The following SLC44A3 variants were observed in gnomAD, a reference collection of about 807,000 sequenced individuals.
SLC44A3 encodes choline transporter-like protein 3.
A neutral mutation model predicts 75.4 loss-of-function variants in SLC44A3; 74 were observed. That is an observed-to-expected ratio of 0.98 (90% CI 0.81 to 1.19). The LOEUF is 1.19. Among genes scored for constraint, SLC44A3 ranks in the 50% most tolerant of loss-of-function variants. SLC44A3 has a pLI of 0.00. For missense variants in SLC44A3, 700 were observed against 778.6 expected (o/e 0.90, Z 1.20); for synonymous variants, 310 against 296.9 (o/e 1.04, Z -0.45).
intron 9 of SLC44A3, among the ~76,000 whole-genome samples, chr1:94,854,180 A>T (rs1407230172): frequency 5.3e-5 from 8 of 152,180 alleles, no homozygotes; most frequent in South Asian, 2.1e-4. Flanking sequence ...CAAGTGATGA[A>T]GCAGATTTCA....
intron 12 of SLC44A3, among the ~76,000 whole-genome samples, chr1:94,868,007 C>T (rs1667361633): frequency 6.6e-6 from 1 of 152,126 alleles, no homozygotes; most frequent in South Asian, 2.1e-4. Context: ...AAAAGAATTG[C>T]CTCCCTAATT....
intron 9 of SLC44A3, among the ~76,000 whole-genome samples, chr1:94,852,702 T>G (rs1665369661): frequency 6.6e-6 from 1 of 152,170 alleles, no homozygotes; most frequent in South Asian, 2.1e-4. Flanking sequence ...GGTCATAATG[T>G]TGGAAGTGGC....
At chr1:94,878,016 C>T (rs1233444873) in intron 12 of SLC44A3, among the ~76,000 whole-genome samples, 3 of 151,978 alleles carry the variant, frequency 2.0e-5, no homozygotes, top group Non-Finnish European at 4.4e-5. Flanking sequence ...GGGTGGATCA[C>T]GAGGTCAGGA....
intron 12 of SLC44A3, among the ~76,000 whole-genome samples, chr1:94,871,419 C>G (rs538915013): frequency 6.6e-6 from 1 of 152,182 alleles, no homozygotes; most frequent in African/African-American, 2.4e-5. Flanking sequence ...GGCAAAGGGA[C>G]CTTACAGCCT....
chr1:94,822,594 G>A (rs1218340739), intron 2 of SLC44A3, among the ~76,000 whole-genome samples: 1 of 152,186 alleles, frequency 6.6e-6, no homozygotes, highest in African/African-American at 2.4e-5. Flanking sequence ...AGGCTTGGGG[G>A]AAGGAGCTGA....
intron 10 of SLC44A3, among the ~76,000 whole-genome samples, chr1:94,864,485 T>C (rs539988447): frequency 6.6e-6 from 1 of 152,242 alleles, no homozygotes; most frequent in African/African-American, 2.4e-5. Flanking sequence ...CTCTGCATTA[T>C]GAAGAGGGAA....
intron 9 of SLC44A3, among the ~76,000 whole-genome samples, chr1:94,855,958 C>T (rs375952579): frequency 1.3e-5 from 2 of 152,166 alleles, no homozygotes; most frequent in South Asian, 2.1e-4. Context: ...AAATCATATG[C>T]AGCCACAAAG....
At chr1:94,849,614 C>T (rs1353136218) in intron 9 of SLC44A3, among the ~76,000 whole-genome samples, 1 of 152,176 alleles carries the variant, frequency 6.6e-6, no homozygotes, top group Non-Finnish European at 1.5e-5. Context: ...GATCGGGTGG[C>T]GAGCCCGCTG....
chr1:94,857,579 TTGGG>T, intron 10 of SLC44A3, 79 bp downstream of exon 10: 2 of 1,397,502 alleles, frequency 1.4e-6, no homozygotes, highest in Non-Finnish European at 1.9e-6. Flanking sequence ...CAAAAGATAT[TTGGG>T]AATGTTGACC....
intron 3 of SLC44A3, among the ~76,000 whole-genome samples, chr1:94,826,919 T>C (rs1027680653): frequency 1.3e-5 from 2 of 152,166 alleles, no homozygotes; most frequent in Non-Finnish European, 2.9e-5. Flanking sequence ...CTGTAGCTGC[T>C]AGCGCATAAC....
At chr1:94,832,981 A>T (rs3860354) in intron 5 of SLC44A3, among the ~76,000 whole-genome samples, 80,767 of 149,782 alleles carry the variant, frequency 0.54, 21,688 homozygotes, top group East Asian at 0.69. Context: ...TTTTTTTTTT[A>T]AATTAAAAAA....
At chr1:94,855,943 T>A (rs1340875718) in intron 9 of SLC44A3, among the ~76,000 whole-genome samples, 1 of 152,212 alleles carries the variant, frequency 6.6e-6, no homozygotes, top group Non-Finnish European at 1.5e-5. Flanking sequence ...TGGGAAAAGA[T>A]CTAGAAATCA....
chr1:94,854,724 C>A (rs1402786332), intron 9 of SLC44A3, among the ~76,000 whole-genome samples: 1 of 144,176 alleles, frequency 6.9e-6, no homozygotes, highest in African/African-American at 2.9e-5. Context: ...TCAAGCCCCC[C>A]GCGCCCCCCG....
chr1:94,874,064 A>G (rs1387087226), intron 12 of SLC44A3, among the ~76,000 whole-genome samples: 1 of 151,972 alleles, frequency 6.6e-6, no homozygotes, highest in Non-Finnish European at 1.5e-5. Flanking sequence ...TGCTTCAGAA[A>G]GAAGCTCACA....
chr1:94,881,519 A>G (rs1668980653), intron 12 of SLC44A3, among the ~76,000 whole-genome samples: 1 of 151,340 alleles, frequency 6.6e-6, no homozygotes, highest in African/African-American at 2.4e-5. Flanking sequence ...CCTGGCTAAC[A>G]TGGTGAAACC....
Position 94,857,494 on chromosome 1 carries a change from T to C in SLC44A3, c.1232T>C (p.Phe411Ser). Reference protein sequence around the residue: ...TIAGAVVTCYFNRSKNDPPDH... With the variant: ...TIAGAVVTCYSNRSKNDPPDH... ...GCTGGGGCAGTGGTTACTTGTTATT[T>C]CAACAGGTAGGTCCAGTGTTTTTTT... The change falls in exon 10 of 15, where the codon TTC (phenylalanine) becomes TCC (serine). Residue 411 changes from phenylalanine (F) to serine (S), a missense_variant. Transcript: ENST00000271227. 6.2e-7 allele frequency: 1 copy of C among 1,610,934 alleles called. No homozygotes were observed. The highest frequency in any genetic ancestry group is 8.5e-7 in the Non-Finnish European group (1 of 1,179,080).
chr1:94,820,865 C>T, intron 1 of SLC44A3, 84 bp from the exon 2 acceptor site: 1 of 1,349,344 alleles, frequency 7.4e-7, no homozygotes. Flanking sequence ...TACTTTGGCC[C>T]CTCTTCGAGT....
At chr1:94,841,912 T>C in intron 7 of SLC44A3, 88 bp from the exon 8 acceptor site, 1 of 1,488,472 alleles carries the variant, frequency 6.7e-7, no homozygotes, top group Non-Finnish European at 8.9e-7. Flanking sequence ...CGGTGGGCAG[T>C]GGCTGGACTT....
At chr1:94,879,113 A>G (rs757533383) in intron 12 of SLC44A3, among the ~76,000 whole-genome samples, 2 of 152,194 alleles carry the variant, frequency 1.3e-5, no homozygotes, top group African/African-American at 2.4e-5. Context: ...CCAAGAAAAT[A>G]GAGTGAAAAT....
Sources: allele counts gnomAD v4.1 joint callset (sites outside exome capture counted in the v4.1 genomes callset), GRCh38; gene constraint gnomAD v4.1.1; transcripts MANE v1.5; gene names NCBI Gene and HGNC (gene_info 2026-07-23, HGNC 2026-07-21).